MRPL18: variants seen among roughly 807,000 people sequenced by gnomAD.
MRPL18 encodes the protein mitochondrial ribosomal protein L18.
MRPL18 carries 16 observed loss-of-function variants against 20.9 expected under a neutral mutation model. The observed-to-expected ratio is 0.76, with a 90% confidence interval of 0.52 to 1.16. The LOEUF is 1.16. Ranked by LOEUF, MRPL18 falls within the 50% of genes most tolerant of loss-of-function variation. The probability of loss-of-function intolerance (pLI) is 0.00; values close to 1 mark genes in which losing one functional copy is unlikely to be tolerated. For synonymous variants in MRPL18, 91 were observed against 87.1 expected, an observed-to-expected ratio of 1.04 and a Z score of -0.25; for missense variants, 233 against 230.6, an observed-to-expected ratio of 1.01 and a Z score of -0.07.
Position 159,790,598 on chromosome 6 carries a change from G to T in MRPL18, c.11G>T (p.Arg4Leu). 1 of 1,546,572 alleles carries T rather than the reference G, an allele frequency of 6.5e-7. No individual in the cohort carries two copies. Among genetic ancestry groups the T allele is most frequent in the Non-Finnish European group, 8.7e-7 (1 of 1,145,804 alleles). The change falls in exon 1 of 4, where the codon CGG becomes CTG. Residue 4 changes from arginine to leucine, a missense_variant. Coordinates refer to ENST00000367034, the MANE Select transcript of MRPL18 (RefSeq NM_014161.5). MAL[R>L]SRFWGLFSVC... ...GAGATCGTCTCAGCGATGGCGCTTCGGTCGCGGTTTTGGGGGTTGTTCTCG... is the reference window on the plus strand; with the variant it reads ...GAGATCGTCTCAGCGATGGCGCTTCTGTCGCGGTTTTGGGGGTTGTTCTCG...
At chr6:159,791,747 A>G (rs1780906129) in intron 2 of MRPL18, among the ~76,000 whole-genome samples, 1 of 152,218 alleles carries the variant, frequency 6.6e-6, no homozygotes, top group African/African-American at 2.4e-5. Context: ...TCTACTAAAA[A>G]TATAAAAATT....
intron 1 of MRPL18, 73 bp downstream of exon 1, chr6:159,790,712 T>C (rs1490834266): frequency 6.3e-7 from 1 of 1,577,618 alleles, no homozygotes; most frequent in Non-Finnish European, 8.7e-7. Flanking sequence ...GTGCGGGTTC[T>C]ATTTTGTATT....
rs757077404 is a variant in MRPL18 at position 159,790,654 on chromosome 6, C to T, written c.52+15C>T. ...CAGGAACCCTGGTAATTAGTCTTGC[C>T]CCCCTTCTCCCAGCTCACTCGCCTG... On this transcript the variant is annotated intron_variant, in intron 1 of 3. Transcript: ENST00000367034. 1.2e-6 allele frequency: 2 copies of T among 1,613,896 alleles called. No individual in the cohort carries two copies. Among genetic ancestry groups the T allele is most frequent in the South Asian group, 1.1e-5 (1 of 91,082 alleles).
intron 2 of MRPL18, among the ~76,000 whole-genome samples, chr6:159,791,466 T>A (rs2115005361): frequency 6.6e-6 from 1 of 152,180 alleles, no homozygotes; most frequent in Admixed American, 6.5e-5. Context: ...GGGCAGAGGA[T>A]GAATGGCCCA....
intron 2 of MRPL18, among the ~76,000 whole-genome samples, chr6:159,792,970 AT>A (rs1356701464): frequency 7.2e-6 from 1 of 138,674 alleles, no homozygotes; most frequent in African/African-American, 2.6e-5. Context: ...TGGCCGGCTA[AT>A]TTTTTTCTTT....
In MRPL18 at chr6:159,798,164, GT is replaced by G; in HGVS notation, c.*42del. ...GTTTTGAACATGTAAATATAAATCT[GT>G]CAGCCACTACAGCCATCAAAAGAGA... On this transcript the variant is annotated 3_prime_UTR_variant, in exon 4 of 4. Coordinates refer to ENST00000367034, the MANE Select transcript of MRPL18 (RefSeq NM_014161.5). The G allele has an allele frequency of 1.3e-6, 2 of 1,516,650 alleles. No individual in the cohort carries two copies. The highest frequency in any genetic ancestry group is 1.8e-6 in the Non-Finnish European group (2 of 1,097,606). The allele number at this position is 1,516,650 out of a possible 1,614,324, so 93.9% of individuals were successfully genotyped here. A position where few individuals can be genotyped will look rare whatever the true frequency, so the allele number is the denominator to read the frequency against.
In MRPL18 at chr6:159,798,174, AC is replaced by A. The variant is rs780501748; in HGVS notation, c.*52del. ...TGTAAATATAAATCTGTCAGCCACT[AC>A]AGCCATCAAAAGAGAGCATCTGGAA... On this transcript the variant is annotated 3_prime_UTR_variant, in exon 4 of 4. Transcript: ENST00000367034. 4 of 1,464,472 alleles carry A rather than the reference AC, an allele frequency of 2.7e-6. No individual in the cohort carries two copies. The highest frequency in any genetic ancestry group is 3.8e-6 in the Non-Finnish European group (4 of 1,053,072). 90.7% of individuals were successfully genotyped at this position (1,464,472 alleles called of 1,614,324 possible).
chr6:159,790,698 G>A, intron 1 of MRPL18, 59 bp downstream of exon 1: 1 of 1,585,800 alleles, frequency 6.3e-7, no homozygotes. Flanking sequence ...CAGTACATTG[G>A]AACGTGCGGG....
rs748226840 is a variant in MRPL18 at position 159,790,920 on chromosome 6, C to T, written c.53-20C>T. On this transcript the variant is annotated intron_variant, in intron 1 of 3. Coordinates refer to ENST00000367034, the MANE Select transcript of MRPL18 (RefSeq NM_014161.5). ...ATATCCGTCATTTTTAAGCCCTGTG[C>T]GGTTTTTCCCGTTGCCCAGGGTGCA... The T allele has an allele frequency of 3.7e-6, 6 of 1,613,192 alleles. No individual in the cohort carries two copies. In the Admixed American group the frequency reaches 8.3e-5, roughly 22 times the overall value.
intron 2 of MRPL18, among the ~76,000 whole-genome samples, chr6:159,796,878 C>T (rs1310978826): frequency 6.6e-6 from 1 of 152,120 alleles, no homozygotes; most frequent in Non-Finnish European, 1.5e-5. Flanking sequence ...TCTTCTAGTA[C>T]TGTTATGATT....
At position 159,797,535 on chromosome 6, in the gene MRPL18, G is replaced by T; in HGVS notation, c.471+17G>T. ...TCAGACTCGGTATTTTTGTTTTCAT[G>T]TACTTATTGAAAAGGTATTGTGTTA... On this transcript the variant is annotated intron_variant, in intron 3 of 3. Coordinates refer to ENST00000367034, the MANE Select transcript of MRPL18 (RefSeq NM_014161.5). The T allele has an allele frequency of 6.2e-7, 1 of 1,602,988 alleles. No homozygotes were observed. The highest frequency in any genetic ancestry group is 8.5e-7 in the Non-Finnish European group (1 of 1,170,780).
In MRPL18 at chr6:159,790,826, C is replaced by T. The variant is rs1407046517; in HGVS notation, c.53-114C>T. 3.5e-6 allele frequency: 5 copies of T among 1,421,018 alleles called. No homozygotes were observed. In the African/African-American group the frequency reaches 4.2e-5, roughly 12 times the overall value. The allele number at this position is 1,421,018 out of a possible 1,614,324, so 88.0% of individuals were successfully genotyped here. ...CCACCCTGTGGGCATACGTATTTTT[C>T]GTCCCCTCGGGCCTAAAGATTGGGG... On this transcript the variant is annotated intron_variant, in intron 1 of 3. Transcript: ENST00000367034.
At position 159,790,560 on chromosome 6, in the gene MRPL18, G is replaced by A. The variant is rs775605183; in HGVS notation, c.-28G>A. The A allele has an allele frequency of 1.2e-6, 2 of 1,614,102 alleles. No individual in the cohort carries two copies. Among genetic ancestry groups the A allele is most frequent in the Non-Finnish European group, 1.7e-6 (2 of 1,180,018 alleles). On this transcript the variant is annotated 5_prime_UTR_variant, in exon 1 of 4. Transcript: ENST00000367034. ...CTGAGTCGTCCGTGAGGAAAAAGAG[G>A]CGAGGCTTTTCCGAGATCGTCTCAG...
chr6:159,795,405 G>A (rs1781006396), intron 2 of MRPL18, among the ~76,000 whole-genome samples: 2 of 152,334 alleles, frequency 1.3e-5, no homozygotes, highest in East Asian at 3.9e-4. Context: ...GCGGCCTTCC[G>A]CAGTGTTTGT....
chr6:159,791,064 A>G lies in MRPL18; in HGVS notation c.177A>G (p.Leu59=). The G allele has an allele frequency of 1.2e-6, 2 of 1,614,162 alleles. No homozygotes were observed. The highest frequency in any genetic ancestry group is 1.7e-6 in the Non-Finnish European group (2 of 1,180,026). ...TNRNPRNLEL[L]SVARKERGWR... is the part of the protein sequence containing the mutation. ...GGAACCCCCGGAACCTGGAGCTTTTATCTGTAGCCAGGAAAGAGCGGGGCT... is the reference window on the plus strand; with the variant it reads ...GGAACCCCCGGAACCTGGAGCTTTTGTCTGTAGCCAGGAAAGAGCGGGGCT... Residue 59 remains leucine, a synonymous_variant, in exon 2 of 4, where the codon TTA becomes TTG. Transcript: ENST00000367034.
In MRPL18 at chr6:159,797,450, A is replaced by G. The variant is rs1475053457; in HGVS notation, c.403A>G (p.Arg135Gly). 1 of 1,614,236 alleles carries G rather than the reference A, an allele frequency of 6.2e-7. No homozygotes were observed. The highest frequency in any genetic ancestry group is 8.5e-7 in the Non-Finnish European group (1 of 1,180,040). ...CESIGRVLAQ[R>G]CLEAGINFMV... is the part of the protein sequence containing the mutation. ...GAGTATAGGACGAGTGCTGGCACAG[A>G]GATGCTTAGAGGCGGGAATCAACTT... Residue 135 changes from arginine to glycine, a missense_variant, in exon 3 of 4, where the codon AGA becomes GGA. Physicochemically the swap from Arg to Gly is moderately radical, Grantham distance 125. Transcript: ENST00000367034.
intron 2 of MRPL18, among the ~76,000 whole-genome samples, chr6:159,793,865 T>C (rs2115008449): frequency 6.6e-6 from 1 of 151,368 alleles, no homozygotes; most frequent in African/African-American, 2.4e-5. Context: ...TGAGCCGAGA[T>C]CGCGCCACTG....
chr6:159,790,462 G>T (rs1419826432), upstream of MRPL18: 11 of 1,273,066 alleles, frequency 8.6e-6, no homozygotes, highest in African/African-American at 2.9e-5. Context: ...GTGGCGTCTG[G>T]CGTGGAGAGT....
intron 2 of MRPL18, among the ~76,000 whole-genome samples, chr6:159,794,204 C>T (rs1300533071): frequency 2.0e-5 from 3 of 152,156 alleles, no homozygotes; most frequent in Admixed American, 6.5e-5. Context: ...TAAACACTTC[C>T]GCATCTTTCT....
Sources: gnomAD v4.1 joint callset for allele counts (sites outside exome capture counted in the v4.1 genomes callset) on GRCh38, gnomAD v4.1.1 for gene constraint, MANE v1.5 for transcripts, NCBI Gene and HGNC (gene_info 2026-07-23, HGNC 2026-07-21) for gene names.